The following CYTH2 variants were observed in gnomAD, a reference collection of about 807,000 sequenced individuals.
CYTH2 encodes cytohesin-2.
CYTH2 carries 24 observed loss-of-function variants against 55.4 expected under a neutral mutation model. The ratio of observed to expected loss-of-function variants is 0.43; its 90% CI spans 0.31 to 0.61. The LOEUF is 0.61. CYTH2 is among the 20% of genes least tolerant of loss of function. The pLI, the probability that CYTH2 is intolerant of heterozygous loss-of-function variation, is 0.08. For synonymous variants in CYTH2, 221 were observed against 209.6 expected, an observed-to-expected ratio of 1.05 and a Z score of -0.47; for missense variants, 378 against 533.5, an observed-to-expected ratio of 0.71 and a Z score of 2.87.
chr19:48,470,329 T>C lies in CYTH2; in HGVS notation c.20-24T>C, dbSNP rs370328189. ...GGCTCACGGCCCCTAGCACTGACTT[T>C]TAAACCTTGACCCCGATCCCTAGAA... On this transcript the variant is annotated intron_variant, in intron 1 of 11. Transcript: ENST00000452733. The C allele has an allele frequency of 2.5e-6, 4 of 1,589,930 alleles. No homozygotes were observed. The African/African-American group carries it at 4.0e-5, about 16-fold the overall frequency.
In CYTH2 at chr19:48,474,297, C is replaced by A; in HGVS notation, c.663C>A (p.Asn221Lys). 6.2e-7 allele frequency: 1 copy of A among 1,612,496 alleles called. No individual in the cohort carries two copies. Among genetic ancestry groups the A allele is most frequent in the Middle Eastern group, 1.7e-4 (1 of 6,048 alleles). ...ERFVAMNRGI[N>K]EGGDLPEELL... is the part of the protein sequence containing the mutation. ...TTGTGGCCATGAACCGGGGCATCAA[C>A]GAGGGCGGGGACCTGCCTGAGGAGC... is the stretch of plus-strand genomic sequence containing the variant. Residue 221 changes from asparagine to lysine, a missense_variant, in exon 7 of 12, where the codon AAC (asparagine) becomes AAA (lysine). Asn to Lys is a moderately conservative substitution (Grantham distance 94, BLOSUM62 0). Transcript: ENST00000452733. This position sits in a 1 kb window ranked among gnomAD's most constrained non-coding sequence, Gnocchi z 4.9.
chr19:48,470,265 C>T, intron 1 of CYTH2, 88 bp from the exon 2 acceptor site: 3 of 1,514,984 alleles, frequency 2.0e-6, no homozygotes, highest in Admixed American at 2.1e-5. Flanking sequence ...CTTACACATC[C>T]TCTCCCAGCT....
chr19:48,473,135 A>G (rs1202515533), intron 4 of CYTH2, 163 bp from the exon 5 acceptor site: 1 of 699,436 alleles, frequency 1.4e-6, no homozygotes, highest in Admixed American at 2.3e-5. Context: ...AGCATCCCCC[A>G]CCCTGGGGGC....
chr19:48,481,921 TA>T lies in CYTH2; in HGVS notation c.*2713del, dbSNP rs34527214. On this transcript the variant is annotated 3_prime_UTR_variant, in exon 12 of 12. Coordinates refer to ENST00000452733, the MANE Select transcript of CYTH2 (RefSeq NM_004228.7). ...GCAGGTGTTGGGATGTGGGGCCTCA[TA>T]AGGAGCTGTGTGGTCTTGGAGGTGG... 133,207 of 152,412 alleles carry T rather than the reference TA, an allele frequency of 0.87. 58,700 individuals are homozygous for T. The highest frequency in any genetic ancestry group is 0.9 in the African/African-American group (37,518 of 41,508). The allele number at this position is 152,412 out of a possible 1,614,324, so 9.4% of individuals were successfully genotyped here. A position where few individuals can be genotyped will look rare whatever the true frequency, so the allele number is the denominator to read the frequency against.
At chr19:48,477,999 G>A (rs1482650387) in intron 8 of CYTH2, 70 bp from the exon 9 acceptor site, 20 of 1,301,192 alleles carry the variant, frequency 1.5e-5, no homozygotes, top group Middle Eastern at 2.1e-4. Flanking sequence ...TGCTTCTCAC[G>A]CCCCTCCCAT....
In CYTH2 at chr19:48,477,991, C is replaced by T. The variant is rs1000656313; in HGVS notation, c.809-78C>T. 5.7e-6 allele frequency: 7 copies of T among 1,219,992 alleles called. No individual in the cohort carries two copies. The African/African-American group carries it at 9.0e-5, about 16-fold the overall frequency. The allele number at this position is 1,219,992 out of a possible 1,614,324, so 75.6% of individuals were successfully genotyped here. ...CCCCACCTCTACCGCTCTTGCTCTGCTTCTCACGCCCCTCCCATCTCCCAG... is the reference window on the plus strand; with the variant it reads ...CCCCACCTCTACCGCTCTTGCTCTGTTTCTCACGCCCCTCCCATCTCCCAG... On this transcript the variant is annotated intron_variant, in intron 8 of 11. Transcript: ENST00000452733.
Position 48,474,532 on chromosome 19 carries a change from T to G in CYTH2, c.696+202T>G, listed in dbSNP as rs916930955. Among the ~76,000 whole-genome samples the G allele has an allele frequency of 6.6e-6, 1 of 152,148 alleles. No homozygotes were observed. Among genetic ancestry groups the G allele is most frequent in the Non-Finnish European group, 1.5e-5 (1 of 68,024 alleles). On this transcript the variant is annotated intron_variant, in intron 7 of 11. Transcript: ENST00000452733. This position sits in a 1 kb window ranked among gnomAD's most constrained non-coding sequence, Gnocchi z 4.9. ...TCTCTCAGGCTTTGGCCCTGACAAT[T>G]TTGGCCTGTCTGTCTTCTCTGTCTC...
In CYTH2 at chr19:48,474,797, C is replaced by T. The variant is rs1341573439; in HGVS notation, c.697-41C>T. The T allele has an allele frequency of 6.2e-7, 1 of 1,606,280 alleles. No individual in the cohort carries two copies. The highest frequency in any genetic ancestry group is 1.1e-5 in the South Asian group (1 of 90,348). On this transcript the variant is annotated intron_variant, in intron 7 of 11. Transcript: ENST00000452733. The surrounding 1 kb of genome is among the most constrained non-coding windows in gnomAD (Gnocchi z 4.9). Reference sequence around the variant, plus strand: ...CCCACCCTGAGTAACCCTGGGGGGCCCCAGGGGGCTCGAATGGCTAATGCA... The same window carrying T: ...CCCACCCTGAGTAACCCTGGGGGGCTCCAGGGGGCTCGAATGGCTAATGCA...
chr19:48,470,026 G>A (rs1253674401), intron 1 of CYTH2: 3 of 589,812 alleles, frequency 5.1e-6, no homozygotes, highest in Non-Finnish European at 9.8e-6. Flanking sequence ...GAAAACCAAG[G>A]CCTCAGTCCC....
At chr19:48,473,205 G>A in intron 4 of CYTH2, 93 bp from the exon 5 acceptor site, 1 of 1,387,466 alleles carries the variant, frequency 7.2e-7, no homozygotes, top group Admixed American at 1.7e-5. Flanking sequence ...CTGTGGTGCA[G>A]TAGAGGGGGC....
chr19:48,471,579 T>C (rs1352369023), intron 3 of CYTH2, among the ~76,000 whole-genome samples: 1 of 152,212 alleles, frequency 6.6e-6, no homozygotes, highest in East Asian at 1.9e-4. Context: ...TGGACACCGA[T>C]ACCACAGTTC....
intron 1 of CYTH2, 72 bp from the exon 2 acceptor site, chr19:48,470,281 C>G: frequency 6.5e-7 from 1 of 1,533,890 alleles, no homozygotes; most frequent in Non-Finnish European, 8.7e-7. Context: ...CAGCTCTGTC[C>G]GCCCCCAGAT....
At position 48,470,373 on chromosome 19, in the gene CYTH2, G is replaced by C. The variant is rs1292618359; in HGVS notation, c.40G>C (p.Glu14Gln). 8 of 1,613,188 alleles carry C rather than the reference G, an allele frequency of 5.0e-6. No individual in the cohort carries two copies. In the South Asian group the frequency reaches 6.6e-5, roughly 13 times the overall value. ...GVYEPPDLTP[E>Q]ERMELENIRR... is the part of the protein sequence containing the mutation. ...CCTAGAACCCCCAGACCTGACTCCG[G>C]AGGAGCGGATGGAGCTGGAGAACAT... Residue 14 changes from glutamate (E) to glutamine (Q), a missense_variant, in exon 2 of 12, where the codon GAG becomes CAG. Glu to Gln is a conservative substitution (Grantham distance 29). Transcript: ENST00000452733.
rs368161948 is a variant in CYTH2 at position 48,470,617 on chromosome 19, G to A, written c.182G>A (p.Arg61Gln). ...TGCTCCTGCAGTAAGACCTTGCAAC[G>A]GAACCGGAAGATGGCAATGGGCAGG... is the stretch of plus-strand genomic sequence containing the variant. ...EANEGSKTLQ[R>Q]NRKMAMGRKK... Residue 61 changes from arginine (R) to glutamine (Q), a missense_variant, in exon 3 of 12, where the codon CGG becomes CAG. Coordinates refer to ENST00000452733, the MANE Select transcript of CYTH2 (RefSeq NM_004228.7). 9.9e-6 allele frequency: 16 copies of A among 1,614,114 alleles called. No individual in the cohort carries two copies. Among genetic ancestry groups the A allele is most frequent in the African/African-American group, 1.3e-5 (1 of 74,932 alleles).
At chr19:48,469,729 G>A (rs1464295169) in intron 1 of CYTH2, 1 of 841,966 alleles carries the variant, frequency 1.2e-6, no homozygotes, top group African/African-American at 1.7e-5. Flanking sequence ...TTTGGGCTGA[G>A]CCTGTTTCCG....
At chr19:48,470,319 G>C (rs749158139) in intron 1 of CYTH2, 34 bp from the exon 2 acceptor site, 1 of 1,578,570 alleles carries the variant, frequency 6.3e-7, no homozygotes, top group Non-Finnish European at 8.6e-7. Flanking sequence ...ACGGCCCCTA[G>C]CACTGACTTT....
rs1372103577 is a variant in CYTH2, at chr19:48,481,661, A to T, written c.*2451A>T. 1 of 155,454 alleles carries T rather than the reference A, an allele frequency of 6.4e-6. No homozygotes were observed. Among genetic ancestry groups the T allele is most frequent in the Non-Finnish European group, 1.4e-5 (1 of 70,072 alleles). 9.6% of individuals were successfully genotyped at this position (155,454 alleles called of 1,614,324 possible). A position where few individuals can be genotyped will look rare whatever the true frequency, so the allele number is the denominator to read the frequency against. ...CCGAGTAGCTGGGATTACAGATGTG[A>T]GCCACCGTACCCAGCTAATTTTTGT... On this transcript the variant is annotated 3_prime_UTR_variant, in exon 12 of 12. Transcript: ENST00000452733.
chr19:48,474,721 A>C lies in CYTH2; in HGVS notation c.697-117A>C, dbSNP rs1971874567. 12 of 812,328 alleles carry C rather than the reference A, an allele frequency of 1.5e-5. No homozygotes were observed. The highest frequency in any genetic ancestry group is 3.6e-5 in the African/African-American group (2 of 55,612). The allele number at this position is 812,328 out of a possible 1,614,324, so 50.3% of individuals were successfully genotyped here. A position where few individuals can be genotyped will look rare whatever the true frequency, so the allele number is the denominator to read the frequency against. On this transcript the variant is annotated intron_variant, in intron 7 of 11. Coordinates refer to ENST00000452733, the MANE Select transcript of CYTH2 (RefSeq NM_004228.7). The surrounding 1 kb of genome is among the most constrained non-coding windows in gnomAD (Gnocchi z 4.9). The stretch of plus-strand genomic sequence containing the variant: ...CTTTCACTTCCCTCTCCTCCCCACT[A>C]CCCCTCTCTCTTCCCCACTATGAGT...
intron 4 of CYTH2, chr19:48,473,037 A>G: frequency 2.2e-6 from 1 of 461,366 alleles, no homozygotes; most frequent in Non-Finnish European, 4.0e-6. Flanking sequence ...TAGGTAGCAT[A>G]CATGTTTGCG....
Sources: allele counts gnomAD v4.1 joint callset (sites outside exome capture counted in the v4.1 genomes callset), GRCh38; gene constraint gnomAD v4.1.1; non-coding constraint Gnocchi (gnomAD v3.1); transcripts MANE v1.5; gene names NCBI Gene and HGNC (gene_info 2026-07-23, HGNC 2026-07-21).